The following JAZF1 variants were observed in gnomAD, a reference collection of about 807,000 sequenced individuals.
JAZF1 encodes the protein juxtaposed with another zinc finger protein 1.
Under a neutral mutation model 26.4 loss-of-function variants are expected in JAZF1, and 8 were observed. The ratio of observed to expected loss-of-function variants is 0.30; its 90% confidence interval spans 0.18 to 0.55. The LOEUF is 0.55. JAZF1 is among the 20% of genes least tolerant of loss of function. The probability of loss-of-function intolerance (pLI) is 0.94; values close to 1 mark genes in which losing one functional copy is unlikely to be tolerated. For missense variants in JAZF1, 199 were observed against 322.0 expected (o/e 0.62, Z 2.92); for synonymous variants, 126 against 122.3 (o/e 1.03, Z -0.20).
rs143156321 is a variant in JAZF1, at chr7:27,859,914, C to G, written c.386-19047G>C. ...ATTATCAAATAAAAGTCTGTAAAGT[C>G]TACGATAATTGTACAAGTGCACGAC... is the stretch of plus-strand genomic sequence containing the variant. On this transcript the variant is annotated intron_variant, in intron 3 of 4. Transcript: ENST00000283928. Among the ~76,000 whole-genome samples the G allele has an allele frequency of 8.5e-5, 13 of 152,242 alleles. No homozygotes were observed. In the East Asian group the frequency reaches 2.5e-3, roughly 29 times the overall value.
intron 2 of JAZF1, among the ~76,000 whole-genome samples, chr7:27,951,819 C>T (rs940352811): frequency 3.9e-5 from 6 of 152,160 alleles, no homozygotes; most frequent in Non-Finnish European, 5.9e-5. Context: ...AGAAAGACGG[C>T]GGGTTCATAA....
At chr7:28,174,821 G>GGTGTGT (rs58952216) in intron 1 of JAZF1, among the ~76,000 whole-genome samples, 6,709 of 107,688 alleles carry the variant, frequency 0.062, 1,117 homozygotes, top group African/African-American at 0.13. Context: ...GGGGTGTGTG[G>GGTGTGT]GTGTGTGTGT....
At chr7:28,034,788 CAG>C (rs1783256633) in intron 1 of JAZF1, among the ~76,000 whole-genome samples, 1 of 152,158 alleles carries the variant, frequency 6.6e-6, no homozygotes, top group African/African-American at 2.4e-5. Flanking sequence ...TTAACAGAAA[CAG>C]AGATCTGGAT....
intron 3 of JAZF1, among the ~76,000 whole-genome samples, chr7:27,867,002 CAGTGAG>C (rs1738620746): frequency 6.6e-6 from 1 of 152,192 alleles, no homozygotes; most frequent in African/African-American, 2.4e-5. Context: ...CTTCTGAAGG[CAGTGAG>C]AGTGAGTACT....
chr7:27,867,087 G>A (rs943576455), intron 3 of JAZF1, among the ~76,000 whole-genome samples: 1 of 152,152 alleles, frequency 6.6e-6, no homozygotes, highest in African/African-American at 2.4e-5. Context: ...GTTTTGGTAT[G>A]ATGATTTCCT....
At chr7:28,162,924 T>G (rs1783314856) in intron 1 of JAZF1, among the ~76,000 whole-genome samples, 1 of 152,244 alleles carries the variant, frequency 6.6e-6, no homozygotes, top group African/African-American at 2.4e-5. Flanking sequence ...AGGAAACATC[T>G]GAATACGATT....
chr7:27,857,265 C>A, intron 3 of JAZF1, among the ~76,000 whole-genome samples: 1 of 152,222 alleles, frequency 6.6e-6, no homozygotes, highest in East Asian at 1.9e-4. Context: ...GTGCCAAGCC[C>A]CTCACTGCCT....
At chr7:28,011,451 G>A (rs111554353) in intron 1 of JAZF1, among the ~76,000 whole-genome samples, 8 of 152,136 alleles carry the variant, frequency 5.3e-5, no homozygotes, top group Admixed American at 3.3e-4. Flanking sequence ...AACACTTCAC[G>A]CAAGGACTTC....
In JAZF1 at chr7:28,180,523, A is replaced by T; in HGVS notation, c.55T>A (p.Cys19Ser). 1 of 1,610,434 alleles carries T rather than the reference A, an allele frequency of 6.2e-7. No individual in the cohort carries two copies. Among genetic ancestry groups the T allele is most frequent in the African/African-American group, 1.4e-5 (1 of 74,014 alleles). The change falls in exon 1 of 5, where the codon TGC (cysteine) becomes AGC (serine). Residue 19 changes from cysteine to serine, a missense_variant. Cys to Ser is a moderately radical substitution (Grantham distance 112). Coordinates refer to ENST00000283928, the MANE Select transcript of JAZF1 (RefSeq NM_175061.4). ...FFSNTCRFGG[C>S]GLHFPTLADL... Reference sequence around the variant, plus strand: ...GCCAGGGTGGGGAAGTGGAGTCCGCAGCCCCCGAATCGGCAGGTATTGGAG... The same window carrying T: ...GCCAGGGTGGGGAAGTGGAGTCCGCTGCCCCCGAATCGGCAGGTATTGGAG...
intron 2 of JAZF1, among the ~76,000 whole-genome samples, chr7:27,904,017 AGAT>A (rs1177228898): frequency 2.6e-5 from 4 of 152,224 alleles, no homozygotes. Flanking sequence ...TCATTGCTCC[AGAT>A]GATGGTATTT....
intron 1 of JAZF1, among the ~76,000 whole-genome samples, chr7:28,081,687 A>C (rs917259508): frequency 1.3e-5 from 2 of 152,144 alleles, no homozygotes; most frequent in African/African-American, 4.8e-5. Flanking sequence ...CCAGGGAAGA[A>C]TTTAATAAAA....
At chr7:28,106,177 C>T (rs73302964) in intron 1 of JAZF1, among the ~76,000 whole-genome samples, 2 of 152,078 alleles carry the variant, frequency 1.3e-5, no homozygotes, top group Non-Finnish European at 2.9e-5. Flanking sequence ...CCATATCAGA[C>T]CAAAGGATTA....
intron 1 of JAZF1, among the ~76,000 whole-genome samples, chr7:28,000,622 C>CTTTTTTTTT (rs1190147547): frequency 3.2e-5 from 2 of 62,070 alleles, no homozygotes; most frequent in African/African-American, 4.1e-5. Context: ...TTCTTTCTTT[C>CTTTTTTTTT]TTTTTTTTTT....
chr7:28,139,349 C>A (rs10252352), intron 1 of JAZF1, among the ~76,000 whole-genome samples: 5,957 of 152,234 alleles, frequency 0.039, 354 homozygotes, highest in African/African-American at 0.13. Flanking sequence ...GAAGTTCTAA[C>A]CCCTGGTACA....
intron 1 of JAZF1, among the ~76,000 whole-genome samples, chr7:28,026,745 G>A (rs896208463): frequency 6.6e-6 from 1 of 152,092 alleles, no homozygotes; most frequent in African/African-American, 2.4e-5. Context: ...TTTACTAAAC[G>A]TTCTCTCAAC....
chr7:28,117,812 C>T (rs1437245171), intron 1 of JAZF1, among the ~76,000 whole-genome samples: 1 of 152,124 alleles, frequency 6.6e-6, no homozygotes, highest in African/African-American at 2.4e-5. Context: ...TGAGCAGATG[C>T]TTGACTTGAA....
chr7:27,890,302 G>A (rs540587160), intron 3 of JAZF1, among the ~76,000 whole-genome samples: 7 of 152,262 alleles, frequency 4.6e-5, no homozygotes, highest in South Asian at 2.1e-4. Flanking sequence ...TTTAACAACC[G>A]GCTATCTGGA....
chr7:27,929,045 G>A (rs922810212), intron 2 of JAZF1, among the ~76,000 whole-genome samples: 3 of 152,196 alleles, frequency 2.0e-5, no homozygotes, highest in Non-Finnish European at 2.9e-5. Context: ...AGAGGGGCAC[G>A]TTCAAGATTT....
chr7:27,893,905 C>T (rs541903779), intron 3 of JAZF1, among the ~76,000 whole-genome samples: 2 of 152,140 alleles, frequency 1.3e-5, no homozygotes, highest in Admixed American at 1.3e-4. Flanking sequence ...TCAGCTACCA[C>T]CCTGGGGTAA....
Sources: allele counts gnomAD v4.1 joint callset (sites outside exome capture counted in the v4.1 genomes callset), GRCh38; gene constraint gnomAD v4.1.1; transcripts MANE v1.5; gene names NCBI Gene and HGNC (gene_info 2026-07-23, HGNC 2026-07-21).